Variants in SLC36A1 observed in about 807,000 individuals in gnomAD.
SLC36A1 encodes the protein solute carrier family 36 member 1, also known as proton-coupled amino acid transporter 1.
A neutral mutation model predicts 47.5 loss-of-function variants in SLC36A1; 30 were observed. The ratio of observed to expected loss-of-function variants is 0.63; its 90% CI spans 0.47 to 0.86. The LOEUF is 0.86. Among genes scored for constraint, SLC36A1 ranks in the 40% least tolerant of loss-of-function variants. The pLI is 0.00. For synonymous variants in SLC36A1, 255 were observed against 249.7 expected, an observed-to-expected ratio of 1.02 and a Z score of -0.20; for missense variants, 517 against 606.0, an observed-to-expected ratio of 0.85 and a Z score of 1.54.
chr5:151,372,178 G>C, the SLC36A1 span, among the ~76,000 whole-genome samples: 4,091 of 152,240 alleles, frequency 0.027, 180 homozygotes, highest in African/African-American at 0.093. Context: ...CTCTAGCACA[G>C]AGTCTCTCAG....
At chr5:151,503,424 C>G in the SLC36A1 span, among the ~76,000 whole-genome samples, 21 of 148,408 alleles carry the variant, frequency 1.4e-4, 1 homozygote, top group Admixed American at 1.2e-3. Flanking sequence ...CATATCTGCT[C>G]AAGGCCACAT....
upstream of SLC36A1, chr5:151,447,561 A>C (rs1255631155): frequency 6.6e-6 from 1 of 152,372 alleles, no homozygotes; most frequent in African/African-American, 2.4e-5. Flanking sequence ...TCAAGGGAGC[A>C]CGTGACCTCG....
At chr5:151,458,304 G>GTGTGTGTATATATATATATATATATATA (rs1175105944) in intron 1 of SLC36A1, among the ~76,000 whole-genome samples, 2 of 76,592 alleles carry the variant, frequency 2.6e-5, no homozygotes, top group African/African-American at 1.5e-4. Flanking sequence ...ACATACACGT[G>GTGTGTGTATATATATATATATATATATA]TATATACGTA....
chr5:151,453,366 T>C, intron 1 of SLC36A1, among the ~76,000 whole-genome samples: 1 of 152,072 alleles, frequency 6.6e-6, no homozygotes, highest in Non-Finnish European at 1.5e-5. Flanking sequence ...GTATAAAGAT[T>C]ATTAATTCAT....
the SLC36A1 span, among the ~76,000 whole-genome samples, chr5:151,382,589 A>G: frequency 6.6e-6 from 1 of 152,220 alleles, no homozygotes; most frequent in African/African-American, 2.4e-5. Flanking sequence ...TCTTGTTAAG[A>G]AGGTTCTGCC....
At chr5:151,378,128 G>A in the SLC36A1 span, 1 of 339,666 alleles carries the variant, frequency 2.9e-6, no homozygotes, top group Non-Finnish European at 5.8e-6. Context: ...AAACATTGAT[G>A]TCTCCATGCA....
chr5:151,416,173 C>G, the SLC36A1 span, among the ~76,000 whole-genome samples: 4 of 152,176 alleles, frequency 2.6e-5, no homozygotes, highest in Non-Finnish European at 5.9e-5. Flanking sequence ...TCCCCACATG[C>G]TGCCTGGCAT....
At chr5:151,514,443 G>A in the SLC36A1 span, among the ~76,000 whole-genome samples, 91 of 152,020 alleles carry the variant, frequency 6.0e-4, 1 homozygote, top group South Asian at 7.1e-3. Context: ...TTCTTACTTC[G>A]TAGAACTCTC....
the SLC36A1 span, among the ~76,000 whole-genome samples, chr5:151,367,374 TCCCCAGG>T: frequency 6.9e-6 from 1 of 145,466 alleles, no homozygotes; most frequent in Non-Finnish European, 1.5e-5. Flanking sequence ...TTTTTTTTTT[TCCCCAGG>T]GTATTAATAT....
At chr5:151,464,078 C>T (rs1755976572) in intron 3 of SLC36A1, among the ~76,000 whole-genome samples, 1 of 152,220 alleles carries the variant, frequency 6.6e-6, no homozygotes, top group African/African-American at 2.4e-5. Flanking sequence ...CTGCCCAAAG[C>T]CATTCTGGTT....
At chr5:151,537,733 T>TG in the SLC36A1 span, 1 of 1,509,348 alleles carries the variant, frequency 6.6e-7, no homozygotes, top group Admixed American at 1.9e-5. Flanking sequence ...ACCATGGCAC[T>TG]GGGCACTTGG....
the SLC36A1 span, chr5:151,507,543 T>TC: frequency 6.2e-7 from 1 of 1,613,558 alleles, no homozygotes; most frequent in Non-Finnish European, 8.5e-7. Flanking sequence ...CTGCCCCCAG[T>TC]CCCCCCTTTG....
At position 151,467,911 on chromosome 5, in the gene SLC36A1, C is replaced by T. The variant is rs765283313; in HGVS notation, c.709C>T (p.Gln237Ter). 1 of 1,613,376 alleles carries T rather than the reference C, an allele frequency of 6.2e-7. No individual in the cohort carries two copies. The highest frequency in any genetic ancestry group is 8.5e-7 in the Non-Finnish European group (1 of 1,179,698). ...TMLVSLVMIYQFIVQRIPDPS... is the reference protein window; with the variant it reads ...TMLVSLVMIY Reference sequence around the variant, plus strand: ...GCTGGTCAGCTTGGTCATGATCTACCAGTTCATTGTTCAGGTACATGCCTA... The same window carrying T: ...GCTGGTCAGCTTGGTCATGATCTACTAGTTCATTGTTCAGGTACATGCCTA... The change falls in exon 7 of 11, where the codon CAG (glutamine) becomes TAG (stop). Residue 237 changes from glutamine (Q) to a stop codon, truncating the protein, a stop_gained. Transcript: ENST00000243389. LOFTEE classifies it high-confidence loss of function.
chr5:151,551,483 C>T, the SLC36A1 span: 22 of 1,614,098 alleles, frequency 1.4e-5, no homozygotes, highest in African/African-American at 5.3e-5. Flanking sequence ...GGCAATGGTG[C>T]GGGACCCATC....
chr5:151,481,033 G>A (rs1758723297), intron 10 of SLC36A1, among the ~76,000 whole-genome samples: 1 of 152,182 alleles, frequency 6.6e-6, no homozygotes, highest in East Asian at 1.9e-4. Flanking sequence ...GCCTGGCTCA[G>A]CCTCCCTGTA....
intron 10 of SLC36A1, among the ~76,000 whole-genome samples, chr5:151,486,223 G>A (rs1242933570): frequency 6.6e-6 from 1 of 152,152 alleles, no homozygotes; most frequent in East Asian, 1.9e-4. Flanking sequence ...AAGGAGAAGG[G>A]AGGTACCAGG....
chr5:151,362,174 A>G, the SLC36A1 span, among the ~76,000 whole-genome samples: 2 of 152,120 alleles, frequency 1.3e-5, no homozygotes, highest in Non-Finnish European at 2.9e-5. Flanking sequence ...CTGTTGCTCA[A>G]CTACCTCTTG....
At chr5:151,512,468 C>T in the SLC36A1 span, 2 of 1,614,212 alleles carry the variant, frequency 1.2e-6, no homozygotes, top group Non-Finnish European at 1.7e-6. The surrounding 1 kb of genome is among the most constrained non-coding windows in gnomAD (Gnocchi z 4.1). Flanking sequence ...ATGCTGTCAA[C>T]CATCAGGCGA....
At chr5:151,510,099 G>T in the SLC36A1 span, 4 of 1,614,172 alleles carry the variant, frequency 2.5e-6, no homozygotes, top group Non-Finnish European at 8.5e-7. Context: ...TTCCAGGCAG[G>T]GTGCAAAAGT....
Sources: gnomAD v4.1 joint callset for allele counts (sites outside exome capture counted in the v4.1 genomes callset) on GRCh38, gnomAD v4.1.1 for gene constraint, Gnocchi (gnomAD v3.1) non-coding constraint, MANE v1.5 for transcripts, NCBI Gene and HGNC (gene_info 2026-07-23, HGNC 2026-07-21) for gene names.